Variants in ACACB observed in about 807,000 individuals in gnomAD.
The protein encoded by ACACB is acetyl-CoA carboxylase beta, also known as acetyl-CoA carboxylase 2.
A neutral mutation model predicts 278.8 loss-of-function variants in ACACB; 209 were observed. That is an observed-to-expected ratio of 0.75 (90% CI 0.67 to 0.84). The LOEUF is 0.84. Among genes scored for constraint, ACACB ranks in the 40% least tolerant of loss-of-function variants. The probability of loss-of-function intolerance (pLI) is 0.00; values close to 1 mark genes in which losing one functional copy is unlikely to be tolerated. For missense variants in ACACB, 2,850 were observed against 3,269.0 expected (o/e 0.87, Z 3.13); for synonymous variants, 1,174 against 1,285.6 (o/e 0.91, Z 1.86).
At chr12:109,186,912 T>A (rs1359079311) in intron 12 of ACACB, among the ~76,000 whole-genome samples, 3 of 152,068 alleles carry the variant, frequency 2.0e-5, no homozygotes, top group Non-Finnish European at 4.4e-5. Flanking sequence ...CCCCAAATCC[T>A]TCATCCCTTA....
intron 1 of ACACB, among the ~76,000 whole-genome samples, chr12:109,122,195 T>C (rs2042563923): frequency 6.6e-6 from 1 of 152,174 alleles, no homozygotes; most frequent in Non-Finnish European, 1.5e-5. Context: ...GTTTATCTGC[T>C]TACTACCCGG....
chr12:109,145,655 G>C (rs1474854398), intron 2 of ACACB, among the ~76,000 whole-genome samples: 1 of 152,176 alleles, frequency 6.6e-6, no homozygotes, highest in East Asian at 1.9e-4. Flanking sequence ...CAAATACAGT[G>C]AGCAAGAATC....
intron 2 of ACACB, among the ~76,000 whole-genome samples, chr12:109,148,354 A>T (rs1312256727): frequency 6.6e-6 from 1 of 152,182 alleles, no homozygotes; most frequent in Non-Finnish European, 1.5e-5. Flanking sequence ...TGGGCCTATG[A>T]TGAGACACTC....
chr12:109,197,302 A>T (rs1475724499), intron 17 of ACACB, 149 bp downstream of exon 17: 1 of 1,034,408 alleles, frequency 9.7e-7, no homozygotes, highest in East Asian at 3.1e-5. Context: ...AGAGAAGTTA[A>T]TCTCTTGGTT....
chr12:109,189,058 A>C (rs2044771535), intron 13 of ACACB, among the ~76,000 whole-genome samples: 1 of 152,216 alleles, frequency 6.6e-6, no homozygotes, highest in Non-Finnish European at 1.5e-5. Context: ...TGAGAAGCCC[A>C]CATTGACAGA....
At chr12:109,151,895 T>C (rs1195462370) in intron 2 of ACACB, among the ~76,000 whole-genome samples, 1 of 152,240 alleles carries the variant, frequency 6.6e-6, no homozygotes, top group Non-Finnish European at 1.5e-5. Context: ...ATCGTGGTTT[T>C]TGCAATCCCT....
intron 34 of ACACB, among the ~76,000 whole-genome samples, chr12:109,238,045 G>A (rs2046682697): frequency 6.7e-6 from 1 of 149,758 alleles, no homozygotes; most frequent in East Asian, 2.0e-4. Flanking sequence ...AGAAACAGAA[G>A]TAATCCATGA....
chr12:109,112,688 C>CAAAAAAAA (rs57131257), upstream of ACACB, among the ~76,000 whole-genome samples: 1 of 103,368 alleles, frequency 9.7e-6, no homozygotes, highest in Non-Finnish European at 2.1e-5. Flanking sequence ...AACTCCGTCT[C>CAAAAAAAA]AAAAAAAAAA....
chr12:109,158,208 G>A (rs984691942), intron 2 of ACACB, among the ~76,000 whole-genome samples: 1 of 152,110 alleles, frequency 6.6e-6, no homozygotes, highest in Non-Finnish European at 1.5e-5. Flanking sequence ...GTGGCCATGT[G>A]GTCTCTGTTG....
In ACACB at chr12:109,247,589, C is replaced by G; in HGVS notation, c.5572-17C>G. On this transcript the variant is annotated splice_polypyrimidine_tract_variant and intron_variant, in intron 39 of 52. Transcript: ENST00000338432. ...GCAGGGAACTGGATTCGTAGCCTCA[C>G]TAAAGTATTTTTTAAGGGATTTAAA... 1 of 1,597,092 alleles carries G rather than the reference C, an allele frequency of 6.3e-7. No individual in the cohort carries two copies. The highest frequency in any genetic ancestry group is 8.6e-7 in the Non-Finnish European group (1 of 1,165,406).
At chr12:109,173,443 T>C (rs912016134) in intron 6 of ACACB, among the ~76,000 whole-genome samples, 2 of 152,184 alleles carry the variant, frequency 1.3e-5, no homozygotes, top group Non-Finnish European at 1.5e-5. Context: ...TCACCTGAGG[T>C]ACAGCCGGGA....
At chr12:109,154,277 G>C (rs1233216045) in intron 2 of ACACB, among the ~76,000 whole-genome samples, 1 of 152,252 alleles carries the variant, frequency 6.6e-6, no homozygotes, top group Non-Finnish European at 1.5e-5. Context: ...ACCTGTCCCA[G>C]GGAGTGGAGG....
chr12:109,154,619 G>C (rs1423130601), intron 2 of ACACB: 1 of 152,206 alleles, frequency 6.6e-6, no homozygotes, highest in Admixed American at 6.5e-5. Flanking sequence ...GTCGGTGTGG[G>C]GGCGGGGCCT....
At chr12:109,224,250 G>T (rs889442264) in intron 27 of ACACB, among the ~76,000 whole-genome samples, 2 of 152,008 alleles carry the variant, frequency 1.3e-5, no homozygotes, top group Non-Finnish European at 2.9e-5. Context: ...AGCCAAGTCT[G>T]AGGCACCTCA....
upstream of ACACB, among the ~76,000 whole-genome samples, chr12:109,112,236 T>C (rs969437656): frequency 6.7e-5 from 10 of 149,140 alleles, no homozygotes; most frequent in Non-Finnish European, 1.5e-5. Flanking sequence ...TATATGTATA[T>C]AAGTTCAATA....
At chr12:109,169,745 CG>C (rs2044047007) in intron 4 of ACACB, among the ~76,000 whole-genome samples, 1 of 152,150 alleles carries the variant, frequency 6.6e-6, no homozygotes, top group African/African-American at 2.4e-5. Flanking sequence ...CAGCACTGAC[CG>C]GAGTCTGTAG....
intron 44 of ACACB, 137 bp downstream of exon 44, chr12:109,254,471 A>C: frequency 1.1e-6 from 1 of 890,454 alleles, no homozygotes; most frequent in Non-Finnish European, 1.7e-6. Context: ...TATACCTGAA[A>C]TCAAATGCAG....
intron 19 of ACACB, among the ~76,000 whole-genome samples, chr12:109,206,428 C>CAAAAAAAAAAAAAAAAAAA (rs35315851): frequency 2.8e-4 from 25 of 89,750 alleles, no homozygotes; most frequent in Admixed American, 6.2e-4. Flanking sequence ...GCGAGTGTCT[C>CAAAAAAAAAAAAAAAAAAA]AAAAAAAAAA....
Position 109,266,485 on chromosome 12 carries a change from C to A in ACACB, c.*123C>A. 2 of 1,274,684 alleles carry A rather than the reference C, an allele frequency of 1.6e-6. No homozygotes were observed. Among genetic ancestry groups the A allele is most frequent in the Non-Finnish European group, 2.1e-6 (2 of 965,190 alleles). The allele number at this position is 1,274,684 out of a possible 1,614,324, so 79.0% of individuals were successfully genotyped here. A position where few individuals can be genotyped will look rare whatever the true frequency, so the allele number is the denominator to read the frequency against. ...ACAAAGAAAATCCTGGGCACTTCTG[C>A]AGGGCTGCTGGTTCCGAGCTGACAC... is the stretch of plus-strand genomic sequence containing the variant. On this transcript the variant is annotated 3_prime_UTR_variant, in exon 53 of 53. Transcript: ENST00000338432.
Sources: allele counts gnomAD v4.1 joint callset (sites outside exome capture counted in the v4.1 genomes callset), GRCh38; gene constraint gnomAD v4.1.1; transcripts MANE v1.5; gene names NCBI Gene and HGNC (gene_info 2026-07-23, HGNC 2026-07-21).